Variants in GCC2 observed in about 807,000 individuals in gnomAD.
GCC2 encodes the protein GRIP and coiled-coil domain containing 2.
A neutral mutation model predicts 210.6 loss-of-function variants in GCC2; 120 were observed. The observed-to-expected ratio is 0.57, with a 90% CI of 0.49 to 0.66. GCC2 has a LOEUF of 0.66. Ranked by LOEUF, GCC2 falls within the 30% of genes least tolerant of loss-of-function variation. GCC2 has a pLI of 0.00. For missense variants in GCC2, 1,868 were observed against 1,871.9 expected (o/e 1.00, Z 0.04); for synonymous variants, 703 against 652.7 (o/e 1.08, Z -1.17).
intron 4 of GCC2, 29 bp downstream of exon 4, chr2:108,452,495 G>A: frequency 7.6e-7 from 1 of 1,315,088 alleles, no homozygotes; most frequent in African/African-American, 1.5e-5. Flanking sequence ...AATGTCTAAA[G>A]AGAAATAAAA....
Position 108,509,236 on chromosome 2 carries a change from CTT to C in GCC2, c.*1607_*1608del, listed in dbSNP as rs1683364613. 1 of 152,536 alleles carries C rather than the reference CTT, an allele frequency of 6.6e-6. No individual in the cohort carries two copies. The highest frequency in any genetic ancestry group is 2.1e-4 in the South Asian group (1 of 4,834). The allele number at this position is 152,536 out of a possible 1,614,324, so 9.4% of individuals were successfully genotyped here. ...TTAGACCTTTTGAAGTCTGTATAAA[CTT>C]GTTTTGAAATATAGTCTCTGCTTAC... On this transcript the variant is annotated 3_prime_UTR_variant, in exon 23 of 23. Transcript: ENST00000309863.
Position 108,457,387 on chromosome 2 carries a change from A to G in GCC2, c.216+4921A>G, listed in dbSNP as rs560422397. 1.9e-3 allele frequency among the ~76,000 whole-genome samples: 293 copies of G among 151,978 alleles called. 1 individual carries two copies. Among genetic ancestry groups the G allele is most frequent in the Non-Finnish European group, 3.4e-3 (234 of 67,978 alleles). ...CCAATACTTTGTTGCTTTGGTTTCT[A>G]TAGCCTCGTAATATGTTTTGAAGTC... On this transcript the variant is annotated intron_variant, in intron 4 of 22. Coordinates refer to ENST00000309863, the MANE Select transcript of GCC2 (RefSeq NM_181453.4).
intron 2 of GCC2, chr2:108,450,120 G>A (rs1006113656): frequency 1.9e-5 from 3 of 158,052 alleles, no homozygotes; most frequent in African/African-American, 7.2e-5. Flanking sequence ...GTGGTTTATT[G>A]CTAAGGTTTA....
At chr2:108,490,698 C>T (rs1470720049) in intron 18 of GCC2, among the ~76,000 whole-genome samples, 1 of 152,164 alleles carries the variant, frequency 6.6e-6, no homozygotes, top group African/African-American at 2.4e-5. Flanking sequence ...GTGTAATTTG[C>T]ATGTTAATCA....
intron 4 of GCC2, among the ~76,000 whole-genome samples, chr2:108,456,370 C>T (rs1218131275): frequency 6.6e-6 from 1 of 152,202 alleles, no homozygotes; most frequent in Non-Finnish European, 1.5e-5. Flanking sequence ...TCCACATTGT[C>T]ATCAATATCT....
intron 4 of GCC2, among the ~76,000 whole-genome samples, chr2:108,465,108 G>A (rs563245887): frequency 3.9e-5 from 6 of 152,320 alleles, no homozygotes; most frequent in Admixed American, 2.0e-4. Flanking sequence ...AGACCCCACT[G>A]CCAACATTGG....
At chr2:108,452,305 T>C (rs1679986704) in intron 3 of GCC2, 94 bp from the exon 4 acceptor site, 3 of 757,486 alleles carry the variant, frequency 4.0e-6, no homozygotes, top group South Asian at 1.5e-5. Context: ...AATTTGCAGA[T>C]TTATGGGGGG....
chr2:108,474,978 C>T (rs1385653389), intron 7 of GCC2: 1 of 152,158 alleles, frequency 6.6e-6, no homozygotes, highest in African/African-American at 2.4e-5. Context: ...ATTAATAGGC[C>T]AGGACAGAAA....
At position 108,470,919 on chromosome 2, in the gene GCC2, A is replaced by C; in HGVS notation, c.1590A>C (p.Lys530Asn). 1 of 1,613,514 alleles carries C rather than the reference A, an allele frequency of 6.2e-7. No individual in the cohort carries two copies. Among genetic ancestry groups the C allele is most frequent in the Non-Finnish European group, 8.5e-7 (1 of 1,179,616 alleles). ...QQKLRTAFTE[K>N]DALLETVNRL... ...AGCTCAGAACTGCTTTTACTGAAAAAGATGCCCTTCTCGAAACTGTGAATC... is the reference window on the plus strand; with the variant it reads ...AGCTCAGAACTGCTTTTACTGAAAACGATGCCCTTCTCGAAACTGTGAATC... The change falls in exon 6 of 23, where the codon AAA becomes AAC. Residue 530 changes from lysine to asparagine, a missense_variant. Physicochemically the swap from Lys to Asn is moderately conservative, Grantham distance 94. This residue lies in a region of GCC2 where 1,847 missense variants were observed against 1,765.2 expected (regional missense o/e 1.05). Coordinates refer to ENST00000309863, the MANE Select transcript of GCC2 (RefSeq NM_181453.4).
chr2:108,497,206 T>G, intron 21 of GCC2, 97 bp downstream of exon 21: 3 of 1,593,864 alleles, frequency 1.9e-6, no homozygotes, highest in Non-Finnish European at 2.6e-6. Context: ...AAGCTCCACC[T>G]CCCAGGTTCA....
chr2:108,482,665 C>G (rs1681920557), intron 11 of GCC2, among the ~76,000 whole-genome samples: 1 of 151,980 alleles, frequency 6.6e-6, no homozygotes, highest in Non-Finnish European at 1.5e-5. Flanking sequence ...TGTATTTTAG[C>G]GTGTCAGATT....
intron 22 of GCC2, among the ~76,000 whole-genome samples, chr2:108,504,136 G>T (rs1181831463): frequency 2.0e-5 from 3 of 151,930 alleles, no homozygotes; most frequent in Non-Finnish European, 4.4e-5. Flanking sequence ...AAAAAATTAA[G>T]AAATAAAAAT....
At chr2:108,452,051 C>T (rs1290089141) in intron 3 of GCC2, among the ~76,000 whole-genome samples, 1 of 152,002 alleles carries the variant, frequency 6.6e-6, no homozygotes, top group Non-Finnish European at 1.5e-5. Context: ...ACCATGTTGG[C>T]CAGGCTGTTC....
In GCC2 at chr2:108,449,298, C is replaced by A; in HGVS notation, c.6+18C>A. 1.3e-6 allele frequency: 2 copies of A among 1,548,484 alleles called. No homozygotes were observed. Among genetic ancestry groups the A allele is most frequent in the Non-Finnish European group, 1.7e-6 (2 of 1,144,676 alleles). On this transcript the variant is annotated intron_variant, in intron 1 of 22. Transcript: ENST00000309863. ...AGATGGAGGTAACTCAGGTCGGGCCCACTGCCTCCCATCAAGCCTTCCGCG... is the reference window on the plus strand; with the variant it reads ...AGATGGAGGTAACTCAGGTCGGGCCAACTGCCTCCCATCAAGCCTTCCGCG...
At chr2:108,482,492 G>A (rs563535875) in intron 11 of GCC2, 41 bp downstream of exon 11, 12 of 946,208 alleles carry the variant, frequency 1.3e-5, no homozygotes, top group South Asian at 1.2e-4. Context: ...TATATATGAT[G>A]CATTTACCAA....
In GCC2 at chr2:108,494,807, G is replaced by C. The variant is rs114203056; in HGVS notation, c.4448-484G>C. 5.1e-3 allele frequency: 775 copies of C among 152,772 alleles called. 2 individuals carry two copies. Among genetic ancestry groups the C allele is most frequent in the Middle Eastern group, 0.031 (9 of 294 alleles). 9.5% of individuals were successfully genotyped at this position (152,772 alleles called of 1,614,324 possible). ...ACGTATTTAAAAGTTTGATTACTAA[G>C]TTTTTGTTTGTTTGTTTTGTTTTTG... On this transcript the variant is annotated intron_variant, in intron 19 of 22. Coordinates refer to ENST00000309863, the MANE Select transcript of GCC2 (RefSeq NM_181453.4).
Position 108,456,025 on chromosome 2 carries a change from C to T in GCC2, c.216+3559C>T, listed in dbSNP as rs7591250. 9.3e-3 allele frequency among the ~76,000 whole-genome samples: 1,412 copies of T among 152,258 alleles called. 21 individuals carry two copies. Among genetic ancestry groups the T allele is most frequent in the Middle Eastern group, 0.031 (9 of 294 alleles). ...TTTGAGACGGAGTCTTGCTCTGTCG[C>T]CCAGGCTGTAGTGCAGTGGCATGAT... On this transcript the variant is annotated intron_variant, in intron 4 of 22. Transcript: ENST00000309863.
At chr2:108,473,152 T>G (rs549661224) in intron 7 of GCC2, 67 of 372,910 alleles carry the variant, frequency 1.8e-4, no homozygotes, top group African/African-American at 1.4e-3. Flanking sequence ...TTTGGATTTT[T>G]CATTCATTTA....
chr2:108,479,327 G>A (rs932761045), intron 9 of GCC2, among the ~76,000 whole-genome samples: 4 of 152,112 alleles, frequency 2.6e-5, no homozygotes, highest in Admixed American at 1.3e-4. Context: ...AAACAAAAGT[G>A]CGTTAGTCAA....
Sources: gnomAD v4.1 joint callset for allele counts (sites outside exome capture counted in the v4.1 genomes callset) on GRCh38, gnomAD v4.1.1 for gene constraint, gnomAD v4.1.1 regional missense constraint, MANE v1.5 for transcripts, NCBI Gene and HGNC (gene_info 2026-07-23, HGNC 2026-07-21) for gene names.